Variants in GALK2 observed in about 807,000 individuals in gnomAD.
GALK2 encodes galactokinase 2, also known as N-acetylgalactosamine kinase.
GALK2 carries 36 observed loss-of-function variants against 52.4 expected under a neutral mutation model. The observed-to-expected ratio is 0.69, with a 90% CI of 0.53 to 0.91. GALK2 has a LOEUF of 0.91. Among genes scored for constraint, GALK2 ranks in the 40% least tolerant of loss-of-function variants. The pLI is 0.00. For missense variants in GALK2, 579 were observed against 559.1 expected, an observed-to-expected ratio of 1.04 and a Z score of -0.36; for synonymous variants, 176 against 199.1, an observed-to-expected ratio of 0.88 and a Z score of 0.98.
chr15:49,336,637 CTAAG>C (rs1407594067), downstream of GALK2, among the ~76,000 whole-genome samples: 3 of 152,124 alleles, frequency 2.0e-5, no homozygotes, highest in Non-Finnish European at 4.4e-5. Flanking sequence ...TTATTTTTCA[CTAAG>C]TATTTTATTC....
rs368619465 is a variant in GALK2, at chr15:49,299,784, T to TTCC, written c.967+7248_967+7249insCCT. Among the ~76,000 whole-genome samples the TTCC allele has an allele frequency of 2.1e-4, 30 of 140,270 alleles. 1 individual carries two copies. The highest frequency in any genetic ancestry group is 3.4e-4 in the Non-Finnish European group (22 of 64,990). The allele number at this position is 140,270 out of a possible 152,430, so 92.0% of individuals were successfully genotyped here. A position where few individuals can be genotyped will look rare whatever the true frequency, so the allele number is the denominator to read the frequency against. ...CTTTCTTTCTTTCTTTCTTTCTTTC[T>TTCC]TTCTTTCTTTCGTGCTGTAGTCTGA... On this transcript the variant is annotated intron_variant, in intron 8 of 9. Coordinates refer to ENST00000560031, the MANE Select transcript of GALK2 (RefSeq NM_002044.4).
At chr15:49,179,360 T>C (rs1218960958) in intron 1 of GALK2, among the ~76,000 whole-genome samples, 2 of 152,128 alleles carry the variant, frequency 1.3e-5, no homozygotes, top group Non-Finnish European at 2.9e-5. Flanking sequence ...TTATAACCAA[T>C]TGTTCTTAAA....
intron 9 of GALK2, among the ~76,000 whole-genome samples, chr15:49,320,530 C>T (rs554647184): frequency 1.4e-4 from 22 of 152,324 alleles, no homozygotes; most frequent in African/African-American, 4.6e-4. Context: ...AGTTCTCAAA[C>T]GCTAGATGTT....
chr15:49,225,219 AG>A (rs2090059363), intron 3 of GALK2: 1 of 455,856 alleles, frequency 2.2e-6, no homozygotes, highest in African/African-American at 2.0e-5. Context: ...TCCGGGCTGC[AG>A]GGCTCCCTCA....
chr15:49,361,083 A>C (rs146101940), intron 3 of GALK2, among the ~76,000 whole-genome samples: 1 of 152,188 alleles, frequency 6.6e-6, no homozygotes, highest in Non-Finnish European at 1.5e-5. Flanking sequence ...GGGATAAATG[A>C]TAAGTATTTA....
At chr15:49,178,510 CT>C in intron 1 of GALK2, 1 of 285,866 alleles carries the variant, frequency 3.5e-6, no homozygotes, top group South Asian at 4.2e-5. Context: ...AAGCTGCACC[CT>C]TAGGAACTGG....
chr15:49,163,531 A>G (rs2084722668), intron 1 of GALK2, among the ~76,000 whole-genome samples: 1 of 152,208 alleles, frequency 6.6e-6, no homozygotes, highest in South Asian at 2.1e-4. Flanking sequence ...GTGGAGGTTC[A>G]TTAGTTTGCA....
chr15:49,218,796 G>T (rs970911940), intron 3 of GALK2, among the ~76,000 whole-genome samples: 5 of 152,076 alleles, frequency 3.3e-5, no homozygotes, highest in African/African-American at 1.2e-4. Flanking sequence ...TTTCTGTTGG[G>T]TAAATACCTA....
chr15:49,282,281 C>G (rs2032811881), intron 6 of GALK2, among the ~76,000 whole-genome samples, 196 bp downstream of exon 6: 1 of 152,132 alleles, frequency 6.6e-6, no homozygotes, highest in African/African-American at 2.4e-5. Context: ...ATGTTGATTG[C>G]CTTTCTCTTA....
At chr15:49,267,114 GGACCATTGTGATGA>G (rs2092388948) in intron 5 of GALK2, among the ~76,000 whole-genome samples, 1 of 152,156 alleles carries the variant, frequency 6.6e-6, no homozygotes, top group Non-Finnish European at 1.5e-5. Flanking sequence ...GCTTTCTTAA[GGACCATTGTGATGA>G]GATTTTGCAA....
chr15:49,193,684 G>A (rs1477981470), intron 1 of GALK2, among the ~76,000 whole-genome samples: 2 of 151,530 alleles, frequency 1.3e-5, no homozygotes, highest in Non-Finnish European at 2.9e-5. Context: ...CCTTTTCCCA[G>A]AAGTCTAACC....
At chr15:49,357,212 G>A (rs1400921335) in intron 3 of GALK2, among the ~76,000 whole-genome samples, 2 of 149,872 alleles carry the variant, frequency 1.3e-5, no homozygotes, top group Non-Finnish European at 3.0e-5. Flanking sequence ...AAAGCTAGCA[G>A]AAGGCAAGAA....
At chr15:49,246,773 G>A (rs2091371553) in intron 5 of GALK2, among the ~76,000 whole-genome samples, 1 of 152,076 alleles carries the variant, frequency 6.6e-6, no homozygotes, top group Non-Finnish European at 1.5e-5. Flanking sequence ...GTATAATACT[G>A]GATTTGTGAG....
In GALK2 at chr15:49,253,421, TTTTC is replaced by T. The variant is rs758935509; in HGVS notation, c.504+14066_504+14069del. Among the ~76,000 whole-genome samples, 26 of 144,622 alleles carry T rather than the reference TTTTC, an allele frequency of 1.8e-4. 4 individuals carry two copies. Among genetic ancestry groups the T allele is most frequent in the Non-Finnish European group, 3.6e-4 (23 of 64,398 alleles). 94.9% of individuals were successfully genotyped at this position (144,622 alleles called of 152,430 possible). A position where few individuals can be genotyped will look rare whatever the true frequency, so the allele number is the denominator to read the frequency against. On this transcript the variant is annotated intron_variant, in intron 5 of 9. Transcript: ENST00000560031. ...GATTTGCATTGTAAGCAGGAATATT[TTTTC>T]TTTCTTTCTTTTTTTTTGTGGTGAA...
chr15:49,227,962 C>T (rs1413129852), intron 3 of GALK2, among the ~76,000 whole-genome samples: 1 of 152,082 alleles, frequency 6.6e-6, no homozygotes, highest in Non-Finnish European at 1.5e-5. Context: ...TTCAGTTCTC[C>T]TTCATTTATG....
At chr15:49,335,464 T>C (rs2039542133), downstream of GALK2, 3 of 1,613,608 alleles carry the variant, frequency 1.9e-6, no homozygotes, top group African/African-American at 2.7e-5. Context: ...TTTTGCCTCC[T>C]TTATAACATC....
intron 7 of GALK2, among the ~76,000 whole-genome samples, chr15:49,287,516 C>G (rs996576523): frequency 1.3e-5 from 2 of 152,054 alleles, no homozygotes; most frequent in African/African-American, 4.8e-5. Context: ...AGCATATTTT[C>G]TTTGCAATAT....
chr15:49,313,965 T>C (rs1252844452), intron 8 of GALK2, among the ~76,000 whole-genome samples: 1 of 152,244 alleles, frequency 6.6e-6, no homozygotes, highest in Non-Finnish European at 1.5e-5. Flanking sequence ...AGTGGGACTC[T>C]TTCAGAGATG....
chr15:49,312,326 T>C (rs1344644288), intron 8 of GALK2, among the ~76,000 whole-genome samples: 1 of 152,142 alleles, frequency 6.6e-6, no homozygotes, highest in African/African-American at 2.4e-5. Flanking sequence ...AGAAGGGAGA[T>C]AGGTTTTGCT....
Sources: allele counts gnomAD v4.1 joint callset (sites outside exome capture counted in the v4.1 genomes callset), GRCh38; gene constraint gnomAD v4.1.1; transcripts MANE v1.5; gene names NCBI Gene and HGNC (gene_info 2026-07-23, HGNC 2026-07-21).